Variants in C5orf22 observed in about 807,000 individuals in gnomAD.
C5orf22 encodes the protein chromosome 5 open reading frame 22.
Under a neutral mutation model 48.7 loss-of-function variants are expected in C5orf22, and 36 were observed. That is an observed-to-expected ratio of 0.74 (90% CI 0.57 to 0.98). The LOEUF is 0.98. Ranked by LOEUF, C5orf22 falls within the 50% of genes least tolerant of loss-of-function variation. C5orf22 has a pLI of 0.00. For missense variants in C5orf22, 486 were observed against 521.9 expected, an observed-to-expected ratio of 0.93 and a Z score of 0.67; for synonymous variants, 141 against 180.8, an observed-to-expected ratio of 0.78 and a Z score of 1.76.
intron 6 of C5orf22, among the ~76,000 whole-genome samples, chr5:31,545,103 G>A (rs1454097349): frequency 1.4e-5 from 2 of 147,376 alleles, no homozygotes; most frequent in African/African-American, 5.1e-5. Context: ...TTGTCACCCT[G>A]GCTGGAGTGC....
Position 31,546,241 on chromosome 5 carries a change from G to A in C5orf22, c.1059+529G>A, listed in dbSNP as rs1742873657. On this transcript the variant is annotated intron_variant, in intron 7 of 8. Coordinates refer to ENST00000325366, the MANE Select transcript of C5orf22 (RefSeq NM_018356.3). The stretch of plus-strand genomic sequence containing the variant: ...TCATAATTTATTTGTATATCATTTT[G>A]CAGTCTTTGAAGCATATATTTTCCC... Among the ~76,000 whole-genome samples the A allele has an allele frequency of 1.3e-5, 2 of 152,258 alleles. 1 individual carries two copies. Among genetic ancestry groups the A allele is most frequent in the Middle Eastern group, 6.8e-3 (2 of 294 alleles).
In C5orf22 at chr5:31,554,113, G is replaced by GTA. The variant is rs1743454465; in HGVS notation, c.*1213_*1214dup. 6.6e-6 allele frequency: 1 copy of GTA among 152,052 alleles called. No individual in the cohort carries two copies. Among genetic ancestry groups the GTA allele is most frequent in the South Asian group, 2.1e-4 (1 of 4,828 alleles). 9.4% of individuals were successfully genotyped at this position (152,052 alleles called of 1,614,324 possible). On this transcript the variant is annotated 3_prime_UTR_variant, in exon 9 of 9. Transcript: ENST00000325366. Reference sequence around the variant, plus strand: ...CAATTGGCCAGTCTTCTGATCTTTAGTATCTCTTTAGTTCAGTAATTTTTA... The same window carrying GTA: ...CAATTGGCCAGTCTTCTGATCTTTAGTATATCTCTTTAGTTCAGTAATTTTTA...
Position 31,538,644 on chromosome 5 carries a change from G to A in C5orf22, c.762G>A (p.Leu254=), listed in dbSNP as rs1218495421. Residue 254 remains leucine (L), a synonymous_variant, in exon 4 of 9, where the codon TTG becomes TTA. Coordinates refer to ENST00000325366, the MANE Select transcript of C5orf22 (RefSeq NM_018356.3). ...KGKAFVLDID[L]DFFSVKNPFK... The stretch of plus-strand genomic sequence containing the variant: ...AGGCATTTGTTTTAGATATTGACTT[G>A]GATTTTTTTTCAGTCAAGAATCCCT... 6.2e-7 allele frequency: 1 copy of A among 1,613,324 alleles called. No homozygotes were observed. Among genetic ancestry groups the A allele is most frequent in the Non-Finnish European group, 8.5e-7 (1 of 1,179,628 alleles).
intron 4 of C5orf22, chr5:31,540,727 A>G (rs1742399392): frequency 2.2e-6 from 1 of 458,770 alleles, no homozygotes; most frequent in South Asian, 2.9e-5. Context: ...GCCTTGAAGA[A>G]GTGATATTTA....
At chr5:31,539,864 A>G (rs1306548904) in intron 4 of C5orf22, among the ~76,000 whole-genome samples, 2 of 152,116 alleles carry the variant, frequency 1.3e-5, no homozygotes, top group African/African-American at 4.8e-5. Flanking sequence ...GCAACGTAGC[A>G]AGACCCCATC....
chr5:31,537,160 T>G (rs936463949), intron 3 of C5orf22, among the ~76,000 whole-genome samples: 1 of 152,198 alleles, frequency 6.6e-6, no homozygotes. Context: ...TAGGCCTGAT[T>G]TAACCTACAA....
At chr5:31,542,650 AGC>A (rs1027956057) in intron 6 of C5orf22, among the ~76,000 whole-genome samples, 1 of 152,138 alleles carries the variant, frequency 6.6e-6, no homozygotes, top group African/African-American at 2.4e-5. Context: ...TTTGAGTGAA[AGC>A]CTTTGGTATT....
intron 1 of C5orf22, 30 bp downstream of exon 1, chr5:31,532,503 A>C (rs538090528): frequency 1.3e-5 from 20 of 1,591,854 alleles, no homozygotes; most frequent in Non-Finnish European, 1.6e-5. Context: ...GCTCTGGGGC[A>C]GAATCAGCGG....
intron 7 of C5orf22, among the ~76,000 whole-genome samples, chr5:31,546,935 A>G (rs2150078687): frequency 6.6e-6 from 1 of 152,326 alleles, no homozygotes; most frequent in East Asian, 1.9e-4. Flanking sequence ...TGCCTTCCCA[A>G]CAGTCCCTCA....
chr5:31,544,026 A>G (rs1742649378), intron 6 of C5orf22, among the ~76,000 whole-genome samples: 1 of 152,184 alleles, frequency 6.6e-6, no homozygotes, highest in Non-Finnish European at 1.5e-5. Flanking sequence ...CATGACCCTA[A>G]AGAGCCAGAC....
At chr5:31,537,002 G>T (rs1232126602) in intron 3 of C5orf22, among the ~76,000 whole-genome samples, 1 of 152,080 alleles carries the variant, frequency 6.6e-6, no homozygotes, top group South Asian at 2.1e-4. Context: ...CTTGTCGTTT[G>T]CACAAATAGC....
chr5:31,550,120 T>C (rs1743159037), intron 7 of C5orf22, among the ~76,000 whole-genome samples: 1 of 152,174 alleles, frequency 6.6e-6, no homozygotes, highest in South Asian at 2.1e-4. Flanking sequence ...CCAGAATTCA[T>C]CCTTTTATCA....
Position 31,553,121 on chromosome 5 carries a change from A to ATCTG in C5orf22, c.*223_*226dup, listed in dbSNP as rs1281635143. ...ACCCCAACTGATAGAACTGTTGCTT[A>ATCTG]TCTGTCTTCCTTAAGTATTTTTTAG... On this transcript the variant is annotated 3_prime_UTR_variant, in exon 9 of 9. Coordinates refer to ENST00000325366, the MANE Select transcript of C5orf22 (RefSeq NM_018356.3). The ATCTG allele has an allele frequency of 2.7e-6, 1 of 365,680 alleles. No homozygotes were observed. Among genetic ancestry groups the ATCTG allele is most frequent in the African/African-American group, 2.1e-5 (1 of 47,818 alleles). The allele number at this position is 365,680 out of a possible 1,614,324, so 22.7% of individuals were successfully genotyped here.
In C5orf22 at chr5:31,534,262, T is replaced by C. The variant is rs751873975; in HGVS notation, c.82-10T>C. 2 of 1,604,936 alleles carry C rather than the reference T, an allele frequency of 1.2e-6. No individual in the cohort carries two copies. Among genetic ancestry groups the C allele is most frequent in the African/African-American group, 2.7e-5 (2 of 74,430 alleles). On this transcript the variant is annotated splice_polypyrimidine_tract_variant and intron_variant, in intron 1 of 8. Coordinates refer to ENST00000325366, the MANE Select transcript of C5orf22 (RefSeq NM_018356.3). ...TGTTAATTCTTATTGTGTGCCTGTG[T>C]CTTTTACAGGTTCTACCCTTTATAT...
At position 31,541,360 on chromosome 5, in the gene C5orf22, GTGA is replaced by G; in HGVS notation, c.957_959del (p.Asp319del). ...GCCACTTTCGCTGATTTGTGTGATG[GTGA>G]TGATGAAGAAACGGTACAGAGATGG... On this transcript the variant is annotated inframe_deletion, in exon 6 of 9. Coordinates refer to ENST00000325366, the MANE Select transcript of C5orf22 (RefSeq NM_018356.3). 6.2e-7 allele frequency: 1 copy of G among 1,614,082 alleles called. No homozygotes were observed.
chr5:31,549,525 A>G (rs1743118463), intron 7 of C5orf22, among the ~76,000 whole-genome samples: 1 of 152,070 alleles, frequency 6.6e-6, no homozygotes, highest in Non-Finnish European at 1.5e-5. Flanking sequence ...CACTTCCAAG[A>G]CTTACACTTT....
intron 7 of C5orf22, among the ~76,000 whole-genome samples, chr5:31,549,661 A>G (rs1355703227): frequency 6.6e-6 from 1 of 152,144 alleles, no homozygotes; most frequent in African/African-American, 2.4e-5. Flanking sequence ...AAATCGCTTG[A>G]GCCCAGGAAT....
chr5:31,533,733 C>CA (rs1456858241), intron 1 of C5orf22, among the ~76,000 whole-genome samples: 1 of 152,018 alleles, frequency 6.6e-6, no homozygotes, highest in Non-Finnish European at 1.5e-5. Context: ...CCCATCTCTA[C>CA]AAAAATAGAA....
chr5:31,538,396 G>A lies in C5orf22; in HGVS notation c.514G>A (p.Asp172Asn), dbSNP rs1194438718. ...YKLCNNQEEN[D>N]AVSSAKKPKL... ...ACTCTGTAACAATCAAGAAGAAAACGATGCAGTGTCTTCTGCTAAGAAACC... is the reference window on the plus strand; with the variant it reads ...ACTCTGTAACAATCAAGAAGAAAACAATGCAGTGTCTTCTGCTAAGAAACC... Residue 172 changes from aspartate to asparagine, a missense_variant, in exon 4 of 9, where the codon GAT becomes AAT. Coordinates refer to ENST00000325366, the MANE Select transcript of C5orf22 (RefSeq NM_018356.3). 65 of 1,614,026 alleles carry A rather than the reference G, an allele frequency of 4.0e-5. No homozygotes were observed. Among genetic ancestry groups the A allele is most frequent in the Non-Finnish European group, 5.3e-5 (62 of 1,180,028 alleles).
Sources: allele counts gnomAD v4.1 joint callset (sites outside exome capture counted in the v4.1 genomes callset), GRCh38; gene constraint gnomAD v4.1.1; transcripts MANE v1.5; gene names NCBI Gene and HGNC (gene_info 2026-07-23, HGNC 2026-07-21).